Variants in CUX1 observed in about 807,000 individuals in gnomAD.
CUX1 encodes the protein cut like homeobox 1.
CUX1 carries 31 observed loss-of-function variants against 158.8 expected under a neutral mutation model. The ratio of observed to expected loss-of-function variants is 0.20; its 90% CI spans 0.15 to 0.26. The LOEUF (loss-of-function observed/expected upper bound fraction) is 0.26, where lower values mean the gene tolerates loss of function less well. CUX1 is among the 10% of genes least tolerant of loss of function. CUX1 has a pLI of 1.00. For missense variants in CUX1, 1,589 were observed against 2,014.6 expected, an observed-to-expected ratio of 0.79 and a Z score of 4.04; for synonymous variants, 879 against 862.1, an observed-to-expected ratio of 1.02 and a Z score of -0.34.
intron 11 of CUX1, among the ~76,000 whole-genome samples, chr7:102,179,938 G>T (rs570250467): frequency 1.4e-4 from 22 of 152,332 alleles, no homozygotes; most frequent in Non-Finnish European, 3.2e-4. Flanking sequence ...GTGGGTCAGG[G>T]TTCATTGTGA....
intron 2 of CUX1, among the ~76,000 whole-genome samples, chr7:101,922,366 TTC>T (rs1805056740): frequency 6.6e-6 from 1 of 152,214 alleles, no homozygotes; most frequent in Admixed American, 6.5e-5. Context: ...GGTGATAAAG[TTC>T]TCTGGATAAG....
chr7:102,253,543 T>G lies in CUX1; in HGVS notation c.*4501T>G. 2.0e-6 allele frequency: 2 copies of G among 985,494 alleles called. No homozygotes were observed. The highest frequency in any genetic ancestry group is 2.4e-6 in the Non-Finnish European group (2 of 829,938). 61.0% of individuals were successfully genotyped at this position (985,494 alleles called of 1,614,324 possible). ...TGATCAATGAACTCTGTTGACATTC[T>G]ATGCAATGTTTTTCATTCCTCTGAT... On this transcript the variant is annotated 3_prime_UTR_variant, in exon 24 of 24. Coordinates refer to ENST00000292535, the MANE Select transcript of CUX1 (RefSeq NM_181552.4).
At chr7:102,097,996 C>CCT (rs1398128721) in intron 5 of CUX1, among the ~76,000 whole-genome samples, 1 of 152,228 alleles carries the variant, frequency 6.6e-6, no homozygotes, top group Non-Finnish European at 1.5e-5. Context: ...AAGAAAACAA[C>CCT]CTCTTGGTGT....
At chr7:102,150,899 A>G (rs1554503391) in intron 8 of CUX1, among the ~76,000 whole-genome samples, 1 of 152,242 alleles carries the variant, frequency 6.6e-6, no homozygotes, top group Admixed American at 6.5e-5. Flanking sequence ...CTGTTTCGTC[A>G]GCTCATAAAA....
At chr7:102,028,513 G>C (rs12671456) in intron 3 of CUX1, among the ~76,000 whole-genome samples, 2 of 152,126 alleles carry the variant, frequency 1.3e-5, no homozygotes, top group Non-Finnish European at 1.5e-5. Flanking sequence ...ACTGCCATGA[G>C]TGTGTGCCAT....
downstream of CUX1, among the ~76,000 whole-genome samples, chr7:102,261,840 G>C (rs1790423864): frequency 6.6e-6 from 1 of 152,152 alleles, no homozygotes; most frequent in Non-Finnish European, 1.5e-5. Flanking sequence ...AACTCGGTCG[G>C]GCACGATGGC....
intron 1 of CUX1, among the ~76,000 whole-genome samples, chr7:101,834,962 C>T (rs1015769267): frequency 6.6e-6 from 1 of 151,918 alleles, no homozygotes; most frequent in African/African-American, 2.4e-5. Context: ...CGCCACTGCA[C>T]TCCAGCCTGG....
intron 8 of CUX1, among the ~76,000 whole-genome samples, chr7:102,144,811 G>T (rs972189786): frequency 1.1e-4 from 17 of 151,948 alleles, no homozygotes; most frequent in African/African-American, 3.9e-4. Context: ...ATTTAGGCTG[G>T]GCGCAATGGC....
intron 4 of CUX1, among the ~76,000 whole-genome samples, chr7:102,075,802 A>G (rs979684460): frequency 8.5e-5 from 13 of 152,226 alleles, no homozygotes; most frequent in Admixed American, 6.5e-4. Flanking sequence ...TTGTCATTCT[A>G]TAAAGATTTA....
At chr7:102,054,106 CCT>C (rs1308135499) in intron 3 of CUX1, among the ~76,000 whole-genome samples, 1 of 152,110 alleles carries the variant, frequency 6.6e-6, no homozygotes, top group African/African-American at 2.4e-5. Flanking sequence ...CTGCACCCAG[CCT>C]CTCTTTTCAG....
At position 102,197,212 on chromosome 7, in the gene CUX1, G is replaced by A. The variant is rs781942626; in HGVS notation, c.1801G>A (p.Val601Ile). Residue 601 changes from valine to isoleucine, a missense_variant, in exon 15 of 24, where the codon GTT becomes ATT. By Grantham distance (29) the Val-to-Ile change is conservative. This residue lies in a region of CUX1 where 37 missense variants were observed against 124.9 expected (regional missense o/e 0.30). Coordinates refer to ENST00000292535, the MANE Select transcript of CUX1 (RefSeq NM_181552.4). ...ARPKPWNKLT[V>I]RGKEPFHKMK... ...GCCCAAGCCATGGAATAAACTGACT[G>A]TTCGTGGCAAGGAGCCATTTCACAA... The A allele has an allele frequency of 1.2e-6, 2 of 1,614,100 alleles. No homozygotes were observed. Among genetic ancestry groups the A allele is most frequent in the Non-Finnish European group, 1.7e-6 (2 of 1,180,048 alleles).
At chr7:102,035,778 A>G (rs1442085965) in intron 3 of CUX1, among the ~76,000 whole-genome samples, 1 of 152,080 alleles carries the variant, frequency 6.6e-6, no homozygotes, top group Non-Finnish European at 1.5e-5. Context: ...GAGAGAAAGT[A>G]TACAAGGAGA....
chr7:101,883,881 C>T lies in CUX1; in HGVS notation c.31-32234C>T, dbSNP rs1203368386. On this transcript the variant is annotated intron_variant, in intron 1 of 23. Transcript: ENST00000292535. ...AAAGTGCTGGGATTACAGGTGTGAG[C>T]CACCATGCCCGGCCCAAATTATTAT... is the stretch of plus-strand genomic sequence containing the variant. 2.0e-5 allele frequency among the ~76,000 whole-genome samples: 3 copies of T among 152,122 alleles called. No individual in the cohort carries two copies. The East Asian group carries it at 5.8e-4, about 29-fold the overall frequency.
chr7:102,058,372 C>T (rs1214961698), intron 3 of CUX1, among the ~76,000 whole-genome samples: 1 of 152,162 alleles, frequency 6.6e-6, no homozygotes, highest in African/African-American at 2.4e-5. Context: ...CTCCAGGGTT[C>T]AAGCGATTCT....
At chr7:102,278,008 C>G in exon 18 of CUX1, 2 of 1,608,352 alleles carry the variant, frequency 1.2e-6, no homozygotes, top group Non-Finnish European at 1.7e-6. Flanking sequence ...ACAGCCTGCG[C>G]GCCGACAACA....
chr7:102,169,431 C>T (rs530671057), intron 9 of CUX1, among the ~76,000 whole-genome samples: 2 of 152,328 alleles, frequency 1.3e-5, no homozygotes, highest in East Asian at 1.9e-4. Context: ...GAGGAAGAAG[C>T]AGAACTTTCA....
chr7:102,141,563 T>C (rs1163701298), intron 8 of CUX1, among the ~76,000 whole-genome samples: 1 of 152,020 alleles, frequency 6.6e-6, no homozygotes, highest in Non-Finnish European at 1.5e-5. Context: ...GAGCGATAAC[T>C]AGTATGCAAT....
chr7:102,093,157 CTTTTT>C (rs34712960), intron 4 of CUX1, among the ~76,000 whole-genome samples: 2 of 120,762 alleles, frequency 1.7e-5, no homozygotes. Context: ...AAAACAGAAG[CTTTTT>C]TTTTTTTTTT....
At chr7:101,885,642 C>A (rs1197860896) in intron 1 of CUX1, among the ~76,000 whole-genome samples, 1 of 152,164 alleles carries the variant, frequency 6.6e-6, no homozygotes, top group Non-Finnish European at 1.5e-5. Flanking sequence ...CCTTAAAGGC[C>A]AGCTCAGTGA....
Sources: allele counts gnomAD v4.1 joint callset (sites outside exome capture counted in the v4.1 genomes callset), GRCh38; gene constraint gnomAD v4.1.1; regional missense constraint gnomAD v4.1.1; transcripts MANE v1.5; gene names NCBI Gene and HGNC (gene_info 2026-07-23, HGNC 2026-07-21).